The following EVL variants were observed in gnomAD, a reference collection of about 807,000 sequenced individuals.
EVL encodes the protein Enah/Vasp-like, also known as ena/VASP-like protein.
EVL carries 21 observed loss-of-function variants against 59.6 expected under a neutral mutation model. The observed-to-expected ratio is 0.35, with a 90% CI of 0.25 to 0.51. The LOEUF (loss-of-function observed/expected upper bound fraction) is 0.51. EVL is among the 20% of genes least tolerant of loss of function. The probability of loss-of-function intolerance (pLI) is 0.97; values close to 1 mark genes in which losing one functional copy is unlikely to be tolerated. For synonymous variants in EVL, 198 were observed against 203.5 expected, an observed-to-expected ratio of 0.97 and a Z score of 0.23; for missense variants, 462 against 546.6, an observed-to-expected ratio of 0.85 and a Z score of 1.54.
intron 1 of EVL, among the ~76,000 whole-genome samples, chr14:99,979,239 AAAC>A (rs955418875): frequency 1.5e-4 from 23 of 152,086 alleles, no homozygotes; most frequent in East Asian, 3.9e-4. Flanking sequence ...GCTAAAAAAA[AAAC>A]AACAACAAAA....
chr14:100,100,809 A>AT (rs1886165727), intron 3 of EVL, among the ~76,000 whole-genome samples: 1 of 148,796 alleles, frequency 6.7e-6, no homozygotes, highest in Non-Finnish European at 1.5e-5. Flanking sequence ...AAAAAAAAAA[A>AT]TGGAAGTATG....
chr14:100,108,763 C>T lies in EVL; in HGVS notation c.358+11105C>T, dbSNP rs1216786118. On this transcript the variant is annotated intron_variant, in intron 3 of 13. Transcript: ENST00000392920. This position sits in a 1 kb window ranked among gnomAD's most constrained non-coding sequence, Gnocchi z 4.1. ...GGAGCCTTTCCCAGCCGCCCCGCTCCCTGTGACTTTGCACTCCCTCCTGCA... is the reference window on the plus strand; with the variant it reads ...GGAGCCTTTCCCAGCCGCCCCGCTCTCTGTGACTTTGCACTCCCTCCTGCA... Among the ~76,000 whole-genome samples the T allele has an allele frequency of 6.6e-6, 1 of 152,212 alleles. No homozygotes were observed. Among genetic ancestry groups the T allele is most frequent in the Non-Finnish European group, 1.5e-5 (1 of 68,052 alleles).
At chr14:100,138,307 C>T (rs115929351) in intron 11 of EVL, 4,436 of 159,212 alleles carry the variant, frequency 0.028, 76 homozygotes, top group African/African-American at 0.032. Flanking sequence ...CCTTCCTCTG[C>T]GGCCGGCACA....
intron 8 of EVL, among the ~76,000 whole-genome samples, chr14:100,133,420 C>T (rs2140392560): frequency 6.6e-6 from 1 of 152,242 alleles, no homozygotes; most frequent in East Asian, 1.9e-4. Flanking sequence ...TTGAAGGTTC[C>T]ACCTCAGTGC....
At chr14:100,047,116 C>T (rs12590930) in intron 1 of EVL, among the ~76,000 whole-genome samples, 11,383 of 28,044 alleles carry the variant, frequency 0.41, 3,098 homozygotes, top group Admixed American at 0.64. Flanking sequence ...AGATCTCTCT[C>T]TCTTTTTTTT....
rs77366603 is a variant in EVL, at chr14:100,056,197, A to G, written c.6-28490A>G. Among the ~76,000 whole-genome samples, 301 of 151,920 alleles carry G rather than the reference A, an allele frequency of 2.0e-3. 2 individuals are homozygous for G. Among genetic ancestry groups the G allele is most frequent in the African/African-American group, 7.0e-3 (289 of 41,424 alleles). ...CATCTTTCTTGAATTCTATAAAATT[A>G]TCTGTCATTTCATCTTTTTTTTAAT... On this transcript the variant is annotated intron_variant, in intron 1 of 13. Transcript: ENST00000402714.
At chr14:100,002,158 G>A (rs903480600) in intron 1 of EVL, among the ~76,000 whole-genome samples, 2 of 152,112 alleles carry the variant, frequency 1.3e-5, no homozygotes, top group African/African-American at 4.8e-5. Context: ...TTCAGTCCAT[G>A]CAGTTAATTC....
chr14:99,993,627 T>G (rs1045587998), intron 1 of EVL, among the ~76,000 whole-genome samples: 3 of 151,920 alleles, frequency 2.0e-5, no homozygotes, highest in Non-Finnish European at 4.4e-5. Flanking sequence ...GAGAGGTTTT[T>G]GATTACTGCT....
At chr14:100,001,604 A>AAAAACTT (rs2060946658) in intron 1 of EVL, among the ~76,000 whole-genome samples, 1 of 152,188 alleles carries the variant, frequency 6.6e-6, no homozygotes, top group Non-Finnish European at 1.5e-5. Flanking sequence ...GTCTCAGATA[A>AAAAACTT]GGCTTTTTAA....
At chr14:100,027,532 C>T (rs1266103092) in intron 1 of EVL, among the ~76,000 whole-genome samples, 1 of 152,176 alleles carries the variant, frequency 6.6e-6, no homozygotes, top group South Asian at 2.1e-4. Flanking sequence ...CCTCATTTCA[C>T]TTAACGTAAT....
At chr14:100,123,463 T>TA in intron 3 of EVL, 76 bp from the exon 4 acceptor site, 2 of 1,463,776 alleles carry the variant, frequency 1.4e-6, no homozygotes, top group East Asian at 2.4e-5. Context: ...TGGGCAGAGA[T>TA]AGAGAGCACT....
chr14:100,144,137 T>C lies in EVL; in HGVS notation c.*399T>C, dbSNP rs1889380661. ...GGCGCCACCACACACCGCAGAGCTG[T>C]CCAGGCACAGCTCCGTCCCCAGCGC... On this transcript the variant is annotated 3_prime_UTR_variant, in exon 14 of 14. Coordinates refer to ENST00000392920, the MANE Select transcript of EVL (RefSeq NM_016337.3). 1 of 257,556 alleles carries C rather than the reference T, an allele frequency of 3.9e-6. No individual in the cohort carries two copies. Among genetic ancestry groups the C allele is most frequent in the Non-Finnish European group, 7.5e-6 (1 of 132,796 alleles). 16.0% of individuals were successfully genotyped at this position (257,556 alleles called of 1,614,324 possible).
chr14:100,092,104 A>G (rs73349515), intron 2 of EVL, among the ~76,000 whole-genome samples: 2,132 of 152,028 alleles, frequency 0.014, 52 homozygotes, highest in African/African-American at 0.049. Flanking sequence ...TTAGCTAGGC[A>G]TGGTGGCACA....
At chr14:100,062,296 C>A (rs116952492), upstream of EVL, among the ~76,000 whole-genome samples, 1,763 of 150,630 alleles carry the variant, frequency 0.012, 19 homozygotes, top group Non-Finnish European at 0.017. Flanking sequence ...ACAGCTACAC[C>A]ATAAAGGATG....
chr14:100,061,521 T>G (rs1392706822), upstream of EVL, among the ~76,000 whole-genome samples: 1 of 144,352 alleles, frequency 6.9e-6, no homozygotes, highest in African/African-American at 2.6e-5. Flanking sequence ...GGATAAAGAT[T>G]ACCAGAAAAG....
At chr14:100,075,234 C>T (rs1176871348) in intron 1 of EVL, among the ~76,000 whole-genome samples, 1 of 152,142 alleles carries the variant, frequency 6.6e-6, no homozygotes, top group African/African-American at 2.4e-5. Context: ...GGAGAAAGCC[C>T]CTGTCTCCTC....
At chr14:100,072,560 G>T (rs368398058) in intron 1 of EVL, among the ~76,000 whole-genome samples, 2 of 152,124 alleles carry the variant, frequency 1.3e-5, no homozygotes, top group African/African-American at 4.8e-5. Flanking sequence ...GTAAAGTGTT[G>T]ATTTTCTTTG....
At chr14:100,141,111 C>T in intron 11 of EVL, 69 bp from the exon 12 acceptor site, 1 of 1,518,670 alleles carries the variant, frequency 6.6e-7, no homozygotes, top group Non-Finnish European at 9.1e-7. Context: ...CTGAGCGGGG[C>T]CTCTGCACAG....
chr14:100,006,533 C>T (rs758267203), intron 1 of EVL, among the ~76,000 whole-genome samples: 5 of 151,870 alleles, frequency 3.3e-5, no homozygotes, highest in South Asian at 2.1e-4. Context: ...GTGATCCACC[C>T]GCCTTGGCCT....
Sources: gnomAD v4.1 joint callset for allele counts (sites outside exome capture counted in the v4.1 genomes callset) on GRCh38, gnomAD v4.1.1 for gene constraint, Gnocchi (gnomAD v3.1) non-coding constraint, MANE v1.5 for transcripts, NCBI Gene and HGNC (gene_info 2026-07-23, HGNC 2026-07-21) for gene names.